The following CNTNAP2 variants were observed in gnomAD, a reference collection of about 807,000 sequenced individuals.
The protein encoded by CNTNAP2 is contactin associated protein 2, also known as contactin-associated protein-like 2.
Under a neutral mutation model 155.2 loss-of-function variants are expected in CNTNAP2, and 98 were observed. That is an observed-to-expected ratio of 0.63 (90% CI 0.54 to 0.75). The LOEUF is 0.75. Ranked by LOEUF, CNTNAP2 falls within the 30% of genes least tolerant of loss-of-function variation. The pLI, the probability that CNTNAP2 is intolerant of heterozygous loss-of-function variation, is 0.00. For missense variants in CNTNAP2, 1,727 were observed against 1,688.1 expected, an observed-to-expected ratio of 1.02 and a Z score of -0.40; for synonymous variants, 651 against 631.2, an observed-to-expected ratio of 1.03 and a Z score of -0.47.
chr7:146,183,574 G>A (rs2116839997), intron 1 of CNTNAP2, among the ~76,000 whole-genome samples: 1 of 150,998 alleles, frequency 6.6e-6, no homozygotes, highest in African/African-American at 2.4e-5. Context: ...CAGATCTGCT[G>A]TCAGCACCAT....
intron 13 of CNTNAP2, among the ~76,000 whole-genome samples, chr7:147,674,146 G>C (rs1795831310): frequency 6.6e-6 from 1 of 152,102 alleles, no homozygotes; most frequent in African/African-American, 2.4e-5. Context: ...AATGAATAAT[G>C]CATCTAACTA....
At chr7:146,968,984 G>A (rs188047335) in intron 3 of CNTNAP2, among the ~76,000 whole-genome samples, 47,046 of 142,660 alleles carry the variant, frequency 0.33, 7,501 homozygotes, top group Middle Eastern at 0.39. Flanking sequence ...TGCTTTGAAT[G>A]CGTCCCAGAG....
chr7:147,158,112 T>G (rs928174377), intron 8 of CNTNAP2, among the ~76,000 whole-genome samples: 6 of 152,128 alleles, frequency 3.9e-5, no homozygotes, highest in Non-Finnish European at 7.4e-5. Flanking sequence ...ACTCTGACAT[T>G]GTCTTCTGTT....
chr7:148,269,703 T>C (rs1265493574), intron 21 of CNTNAP2, among the ~76,000 whole-genome samples: 3 of 152,204 alleles, frequency 2.0e-5, no homozygotes, highest in African/African-American at 7.2e-5. Context: ...AGAAGAGGGA[T>C]GTATTTGAAA....
chr7:147,413,486 A>G (rs529564388), intron 10 of CNTNAP2, among the ~76,000 whole-genome samples: 1 of 152,158 alleles, frequency 6.6e-6, no homozygotes, highest in Non-Finnish European at 1.5e-5. Context: ...CAAGAGGAGT[A>G]CTCTCAATAA....
chr7:146,486,144 A>C (rs2129130063), intron 1 of CNTNAP2, among the ~76,000 whole-genome samples: 1 of 136,408 alleles, frequency 7.3e-6, no homozygotes, highest in Non-Finnish European at 1.5e-5. Flanking sequence ...AGCTCACTGC[A>C]AACTCCGCCT....
chr7:146,814,280 C>G (rs951680473), intron 2 of CNTNAP2, among the ~76,000 whole-genome samples: 7 of 151,834 alleles, frequency 4.6e-5, no homozygotes, highest in African/African-American at 1.7e-4. Context: ...GGAGGTAGCC[C>G]CTTTGGAAGT....
chr7:147,333,770 A>T (rs1563164573), intron 9 of CNTNAP2, among the ~76,000 whole-genome samples: 1 of 152,206 alleles, frequency 6.6e-6, no homozygotes, highest in Non-Finnish European at 1.5e-5. Flanking sequence ...TCACATAAAT[A>T]ATGCCATAAG....
intron 10 of CNTNAP2, among the ~76,000 whole-genome samples, chr7:147,482,644 C>A (rs1230879035): frequency 6.6e-6 from 1 of 151,860 alleles, no homozygotes; most frequent in African/African-American, 2.4e-5. Context: ...TGGCGTGAAC[C>A]CAGGAGGCAG....
At chr7:147,721,460 C>T (rs753072948) in intron 13 of CNTNAP2, among the ~76,000 whole-genome samples, 10 of 152,056 alleles carry the variant, frequency 6.6e-5, no homozygotes, top group African/African-American at 1.2e-4. Flanking sequence ...AAAAGGGTGG[C>T]ATTTGTGGTG....
chr7:146,508,457 C>G (rs1187954137), intron 1 of CNTNAP2, among the ~76,000 whole-genome samples: 1 of 152,234 alleles, frequency 6.6e-6, no homozygotes, highest in Non-Finnish European at 1.5e-5. Flanking sequence ...CTCCCACTGA[C>G]TGGCCTCTGT....
chr7:146,520,104 C>T (rs1396741143), intron 1 of CNTNAP2, among the ~76,000 whole-genome samples: 3 of 151,226 alleles, frequency 2.0e-5, no homozygotes, highest in South Asian at 2.1e-4. Flanking sequence ...TAAGCATAAG[C>T]ACAATATTTT....
chr7:148,126,791 C>T (rs1804725830), intron 16 of CNTNAP2, among the ~76,000 whole-genome samples: 1 of 152,072 alleles, frequency 6.6e-6, no homozygotes, highest in African/African-American at 2.4e-5. Context: ...CGTTTGAAGA[C>T]TCTGGAGCCA....
intron 1 of CNTNAP2, among the ~76,000 whole-genome samples, chr7:146,607,648 T>A (rs577451366): frequency 2.6e-5 from 4 of 151,938 alleles, no homozygotes; most frequent in East Asian, 1.9e-4. Flanking sequence ...GCTAATTTTT[T>A]AAAATTTTTA....
chr7:146,256,828 T>C (rs1277792983), intron 1 of CNTNAP2, among the ~76,000 whole-genome samples: 1 of 152,118 alleles, frequency 6.6e-6, no homozygotes, highest in African/African-American at 2.4e-5. Flanking sequence ...ATAAAATGTG[T>C]AAAATCAAAA....
Position 148,415,798 on chromosome 7 carries a change from T to TGG in CNTNAP2, c.*182_*183insGG. On this transcript the variant is annotated 3_prime_UTR_variant, in exon 24 of 24. Coordinates refer to ENST00000361727, the MANE Select transcript of CNTNAP2 (RefSeq NM_014141.6). ...CTGATCACAAAAAAAAAAACCTTTT[T>TGG]AATATTTCTTTATAGCTGAGTTTTC... 1.5e-6 allele frequency: 1 copy of TGG among 674,280 alleles called. No homozygotes were observed. The highest frequency in any genetic ancestry group is 1.8e-5 in the African/African-American group (1 of 54,408). 41.8% of individuals were successfully genotyped at this position (674,280 alleles called of 1,614,324 possible). A position where few individuals can be genotyped will look rare whatever the true frequency, so the allele number is the denominator to read the frequency against.
At chr7:147,198,616 T>C (rs945576821) in intron 8 of CNTNAP2, among the ~76,000 whole-genome samples, 1 of 152,246 alleles carries the variant, frequency 6.6e-6, no homozygotes, top group Non-Finnish European at 1.5e-5. Context: ...TTACCATCAC[T>C]GCTGTTTTGT....
At chr7:148,211,729 G>T (rs1795555042) in intron 18 of CNTNAP2, among the ~76,000 whole-genome samples, 2 of 152,292 alleles carry the variant, frequency 1.3e-5, no homozygotes, top group Admixed American at 6.5e-5. Context: ...TTTTGGTTTT[G>T]CTTTCCTATT....
intron 11 of CNTNAP2, among the ~76,000 whole-genome samples, chr7:147,558,697 T>TTTCC (rs151097268): frequency 0.12 from 18,404 of 148,440 alleles, 1,256 homozygotes; most frequent in Middle Eastern, 0.17. Flanking sequence ...TCGTTCGTTC[T>TTTCC]TTCCTTCCTT....
Sources: gnomAD v4.1 joint callset for allele counts (sites outside exome capture counted in the v4.1 genomes callset) on GRCh38, gnomAD v4.1.1 for gene constraint, MANE v1.5 for transcripts, NCBI Gene and HGNC (gene_info 2026-07-23, HGNC 2026-07-21) for gene names.